Variants in PLXNA4 observed in about 807,000 individuals in gnomAD.
The protein encoded by PLXNA4 is plexin-A4.
A neutral mutation model predicts 191.8 loss-of-function variants in PLXNA4; 44 were observed. The ratio of observed to expected loss-of-function variants is 0.23; its 90% CI spans 0.18 to 0.29. The LOEUF (loss-of-function observed/expected upper bound fraction) is 0.29. Ranked by LOEUF, PLXNA4 falls within the 10% of genes least tolerant of loss-of-function variation. PLXNA4 has a pLI of 1.00. For synonymous variants in PLXNA4, 1,082 were observed against 1,009.5 expected (o/e 1.07, Z -1.36); for missense variants, 1,800 against 2,488.8 (o/e 0.72, Z 5.89).
chr7:132,543,744 A>C (rs1800178213), intron 1 of PLXNA4, among the ~76,000 whole-genome samples: 1 of 152,274 alleles, frequency 6.6e-6, no homozygotes, highest in African/African-American at 2.4e-5. Context: ...GAGCCATTGA[A>C]GATTCTCAAG....
At chr7:132,429,353 A>G in intron 3 of PLXNA4, among the ~76,000 whole-genome samples, 1 of 152,158 alleles carries the variant, frequency 6.6e-6, no homozygotes, top group East Asian at 1.9e-4. Context: ...TATAGGAAGA[A>G]CTTTGCCCTC....
intron 3 of PLXNA4, among the ~76,000 whole-genome samples, chr7:132,449,407 C>T (rs1796034098): frequency 6.6e-6 from 1 of 152,210 alleles, no homozygotes; most frequent in African/African-American, 2.4e-5. Context: ...ACCATGTCCA[C>T]ATTCAGAAGT....
chr7:132,448,408 A>G (rs1795989154), intron 3 of PLXNA4, among the ~76,000 whole-genome samples: 1 of 152,238 alleles, frequency 6.6e-6, no homozygotes, highest in South Asian at 2.1e-4. Context: ...TTTACACCAT[A>G]GAAATTGGCA....
chr7:132,350,918 A>G (rs1394924242), intron 3 of PLXNA4, among the ~76,000 whole-genome samples: 1 of 152,258 alleles, frequency 6.6e-6, no homozygotes, highest in African/African-American at 2.4e-5. Context: ...GGTGAATAAA[A>G]TGTGGTATAT....
At chr7:132,242,187 G>T (rs1798902960) in intron 4 of PLXNA4, among the ~76,000 whole-genome samples, 2 of 147,258 alleles carry the variant, frequency 1.4e-5, no homozygotes, top group African/African-American at 2.5e-5. Flanking sequence ...TCCTCTTCCA[G>T]TTGGGATACC....
chr7:132,474,535 A>G (rs1196282737), intron 3 of PLXNA4, among the ~76,000 whole-genome samples: 1 of 152,116 alleles, frequency 6.6e-6, no homozygotes, highest in Non-Finnish European at 1.5e-5. Context: ...GGACTCAGTG[A>G]GTAGCCAAGG....
intron 3 of PLXNA4, among the ~76,000 whole-genome samples, chr7:132,327,860 C>T (rs1489321880): frequency 6.6e-6 from 1 of 152,172 alleles, no homozygotes; most frequent in East Asian, 1.9e-4. Context: ...CAAGTCCTCC[C>T]TCCACCAGCC....
At chr7:132,302,848 T>C (rs1801359416) in intron 3 of PLXNA4, among the ~76,000 whole-genome samples, 1 of 152,082 alleles carries the variant, frequency 6.6e-6, no homozygotes, top group Non-Finnish European at 1.5e-5. Context: ...CATGACAACT[T>C]GAACAAATTA....
intron 18 of PLXNA4, 76 bp downstream of exon 18, chr7:132,181,305 T>C: frequency 1.3e-6 from 2 of 1,583,608 alleles, no homozygotes; most frequent in Non-Finnish European, 1.7e-6. Context: ...GTGGCAGGAG[T>C]CTGTGACTTG....
At chr7:132,518,962 C>G (rs933429682) in intron 1 of PLXNA4, among the ~76,000 whole-genome samples, 2 of 152,198 alleles carry the variant, frequency 1.3e-5, no homozygotes, top group African/African-American at 4.8e-5. Flanking sequence ...CCAGCCGAGG[C>G]CCAGGCAGCC....
intron 3 of PLXNA4, chr7:132,384,936 C>A: frequency 7.7e-7 from 1 of 1,297,426 alleles, no homozygotes; most frequent in Non-Finnish European, 9.8e-7. Context: ...AAGAGTCAAA[C>A]ATGCCTACAC....
chr7:132,231,783 G>C (rs979372852), intron 5 of PLXNA4, among the ~76,000 whole-genome samples: 2 of 152,186 alleles, frequency 1.3e-5, no homozygotes, highest in African/African-American at 4.8e-5. Flanking sequence ...CAAAAGAAAG[G>C]CACGGCTGCA....
intron 4 of PLXNA4, among the ~76,000 whole-genome samples, chr7:132,251,707 G>C (rs975327280): frequency 4.6e-5 from 7 of 152,140 alleles, no homozygotes; most frequent in Admixed American, 1.3e-4. Flanking sequence ...AGCAGCCCAA[G>C]GGGGTGTGCC....
At chr7:132,368,528 C>G (rs150226295) in intron 3 of PLXNA4, among the ~76,000 whole-genome samples, 459 of 152,298 alleles carry the variant, frequency 3.0e-3, no homozygotes, top group African/African-American at 0.01. Flanking sequence ...GGGCTGTGGT[C>G]TCTCCTGTCA....
intron 3 of PLXNA4, among the ~76,000 whole-genome samples, chr7:132,374,710 C>A (rs1375990502): frequency 6.6e-6 from 1 of 152,184 alleles, no homozygotes; most frequent in Non-Finnish European, 1.5e-5. Context: ...CCAGCTTTGC[C>A]CCCAAGAAAA....
intron 3 of PLXNA4, among the ~76,000 whole-genome samples, chr7:132,385,919 G>A (rs1016819461): frequency 6.6e-6 from 1 of 152,196 alleles, no homozygotes; most frequent in Non-Finnish European, 1.5e-5. Context: ...GAATCACATC[G>A]TTTTTGAACG....
intron 3 of PLXNA4, among the ~76,000 whole-genome samples, chr7:132,426,419 C>A (rs115211740): frequency 1.3e-5 from 2 of 152,194 alleles, no homozygotes; most frequent in African/African-American, 4.8e-5. Flanking sequence ...GTGTGACCAG[C>A]GCTGTCATGT....
At chr7:132,572,617 G>A (rs1041388084) in intron 1 of PLXNA4, among the ~76,000 whole-genome samples, 4 of 152,196 alleles carry the variant, frequency 2.6e-5, no homozygotes, top group South Asian at 2.1e-4. Flanking sequence ...CCTGCCTTTC[G>A]TTTTAAAATC....
intron 2 of PLXNA4, among the ~76,000 whole-genome samples, chr7:132,607,177 C>T (rs945403138): frequency 2.0e-5 from 3 of 152,160 alleles, no homozygotes; most frequent in African/African-American, 2.4e-5. Flanking sequence ...CCAAAAAACC[C>T]GCACCCAGAG....
Sources: gnomAD v4.1 joint callset for allele counts (sites outside exome capture counted in the v4.1 genomes callset) on GRCh38, gnomAD v4.1.1 for gene constraint, MANE v1.5 for transcripts, NCBI Gene and HGNC (gene_info 2026-07-23, HGNC 2026-07-21) for gene names.